Variants in NSF observed in about 807,000 individuals in gnomAD.
NSF encodes the protein vesicle-fusing ATPase.
In NSF, 14 loss-of-function variants were observed where a neutral mutation model predicts 50.3. The observed-to-expected ratio is 0.28, with a 90% CI of 0.18 to 0.44. NSF has a LOEUF of 0.44. Ranked by LOEUF, NSF falls within the 20% of genes least tolerant of loss-of-function variation. The pLI is 1.00. For missense variants in NSF, 218 were observed against 504.3 expected (o/e 0.43, Z 5.44); for synonymous variants, 109 against 175.7 (o/e 0.62, Z 3.00).
chr17:46,740,379 C>T (rs1485193351), intron 17 of NSF, among the ~76,000 whole-genome samples: 1 of 152,044 alleles, frequency 6.6e-6, no homozygotes, highest in Non-Finnish European at 1.5e-5. Flanking sequence ...CTGGAGAAAG[C>T]ATTTTAATAA....
intron 16 of NSF, among the ~76,000 whole-genome samples, chr17:46,727,186 T>C (rs1322515447): frequency 6.6e-6 from 1 of 152,168 alleles, no homozygotes; most frequent in African/African-American, 2.4e-5. Context: ...GTATAGTAAT[T>C]TTTAAAATAT....
At position 46,756,161 on chromosome 17, in the gene NSF, GA is replaced by G. The variant is rs2059231850; in HGVS notation, c.*342del. The G allele has an allele frequency of 4.6e-6, 1 of 216,832 alleles. No homozygotes were observed. Among genetic ancestry groups the G allele is most frequent in the African/African-American group, 2.3e-5 (1 of 43,922 alleles). The allele number at this position is 216,832 out of a possible 1,614,324, so 13.4% of individuals were successfully genotyped here. ...CCTCTCTACTAGCACCATCACCCTT[GA>G]AAACTCTCAGTCAGTGTCATGAATG... On this transcript the variant is annotated 3_prime_UTR_variant, in exon 21 of 21. Transcript: ENST00000398238.
At chr17:46,721,645 A>G in intron 15 of NSF, 1 of 1,597,388 alleles carries the variant, frequency 6.3e-7, no homozygotes. Context: ...TATAGACACC[A>G]GAAAAAGTTT....
intron 12 of NSF, among the ~76,000 whole-genome samples, chr17:46,703,680 C>CAAAAAA (rs149212597): frequency 4.0e-4 from 15 of 37,516 alleles, no homozygotes; most frequent in South Asian, 1.2e-3. Context: ...GACTCCGTCT[C>CAAAAAA]AAAAAAAAAA....
chr17:46,739,661 C>T (rs951852577), intron 17 of NSF, among the ~76,000 whole-genome samples: 1 of 151,886 alleles, frequency 6.6e-6, no homozygotes, highest in Non-Finnish European at 1.5e-5. Flanking sequence ...ATAAATTTTC[C>T]ACCTGTTGGT....
intron 15 of NSF, among the ~76,000 whole-genome samples, chr17:46,725,398 C>A (rs1302063450): frequency 6.6e-6 from 1 of 151,976 alleles, no homozygotes; most frequent in Non-Finnish European, 1.5e-5. Context: ...AGGGATGGTG[C>A]ATAGGAAAAC....
chr17:46,721,563 T>C (rs758350722), intron 15 of NSF: 9 of 1,444,612 alleles, frequency 6.2e-6, no homozygotes, highest in Non-Finnish European at 8.7e-6. Flanking sequence ...ATATATACTT[T>C]TTATTTAGCC....
chr17:46,739,398 G>A (rs1166481324), intron 17 of NSF, among the ~76,000 whole-genome samples: 193 of 104,102 alleles, frequency 1.9e-3, no homozygotes, highest in African/African-American at 6.8e-3. Flanking sequence ...AAAAAGCCAA[G>A]CATGGTGGTG....
At chr17:46,743,207 C>T (rs1017099949) in intron 17 of NSF, among the ~76,000 whole-genome samples, 1 of 152,150 alleles carries the variant, frequency 6.6e-6, no homozygotes, top group Non-Finnish European at 1.5e-5. Flanking sequence ...GGCCTCTCTG[C>T]GTCATTTGCT....
chr17:46,601,869 C>T (rs2057913839), intron 1 of NSF, among the ~76,000 whole-genome samples: 1 of 148,858 alleles, frequency 6.7e-6, no homozygotes, highest in Non-Finnish European at 1.5e-5. Context: ...AACTTAATCC[C>T]CACTCCTTTA....
intron 17 of NSF, among the ~76,000 whole-genome samples, chr17:46,737,710 C>G (rs936436735): frequency 6.6e-6 from 1 of 151,610 alleles, no homozygotes; most frequent in African/African-American, 2.4e-5. Flanking sequence ...TTACGTGGTT[C>G]CAGTGGAACA....
intron 1 of NSF, among the ~76,000 whole-genome samples, chr17:46,609,757 G>A (rs1190862619): frequency 1.4e-5 from 2 of 144,396 alleles, no homozygotes; most frequent in East Asian, 1.9e-4. Flanking sequence ...ATGTAAGTCC[G>A]TAAGATCATG....
intron 17 of NSF, among the ~76,000 whole-genome samples, chr17:46,740,304 G>A (rs1158538057): frequency 5.3e-5 from 8 of 152,164 alleles, no homozygotes; most frequent in Admixed American, 3.3e-4. Flanking sequence ...TGAGGGCAGG[G>A]TATGGTGAGA....
chr17:46,722,313 C>T, intron 15 of NSF: 7 of 720,966 alleles, frequency 9.7e-6, no homozygotes. Flanking sequence ...CAGCCTCAGT[C>T]CTCCTGGCAT....
chr17:46,657,508 G>C (rs2058269626), intron 8 of NSF, among the ~76,000 whole-genome samples: 1 of 140,758 alleles, frequency 7.1e-6, no homozygotes, highest in Non-Finnish European at 1.6e-5. Context: ...AACTTTTTCA[G>C]AATAGTCACC....
intron 15 of NSF, among the ~76,000 whole-genome samples, chr17:46,715,668 G>C (rs531542356): frequency 2.6e-5 from 4 of 152,294 alleles, no homozygotes; most frequent in South Asian, 2.1e-4. Context: ...CTTTGTAAGT[G>C]TGAGATATTA....
At position 46,721,832 on chromosome 17, in the gene NSF, T is replaced by G. The variant is rs555793618; in HGVS notation, c.1762-4717T>G. ...ACGGCTCCTGGGACACTTTTGCTTA[T>G]TTTTTGTACGGCTTTTTCGAGTTGG... On this transcript the variant is annotated intron_variant, in intron 15 of 20. Transcript: ENST00000398238. 15 of 1,596,234 alleles carry G rather than the reference T, an allele frequency of 9.4e-6. No homozygotes were observed. The East Asian group carries it at 3.1e-4, about 33-fold the overall frequency.
At position 46,717,369 on chromosome 17, in the gene NSF, A is replaced by G. The variant is rs545235798; in HGVS notation, c.1761+3383A>G. On this transcript the variant is annotated intron_variant, in intron 15 of 20. Transcript: ENST00000398238. ...GGTAGTGGTAACAAAAATACCATTA[A>G]ATAGAAGTAATAAGATCTAGTGTTG... Among the ~76,000 whole-genome samples, 4 of 152,324 alleles carry G rather than the reference A, an allele frequency of 2.6e-5. No individual in the cohort carries two copies. The East Asian group carries it at 7.7e-4, about 29-fold the overall frequency.
At chr17:46,721,934 C>T (rs1265208378) in intron 15 of NSF, 10 of 1,598,016 alleles carry the variant, frequency 6.3e-6, no homozygotes, top group African/African-American at 2.7e-5. Flanking sequence ...GCGTACTAGC[C>T]GGACTTGGAT....
Sources: gnomAD v4.1 joint callset for allele counts (sites outside exome capture counted in the v4.1 genomes callset) on GRCh38, gnomAD v4.1.1 for gene constraint, MANE v1.5 for transcripts, NCBI Gene and HGNC (gene_info 2026-07-23, HGNC 2026-07-21) for gene names.